ZNF804B: variants seen among roughly 807,000 people sequenced by gnomAD.
ZNF804B encodes zinc finger protein 804B, also known as zinc finger 804B.
In ZNF804B, 80 loss-of-function variants were observed where a neutral mutation model predicts 101.4. The ratio of observed to expected loss-of-function variants is 0.79; its 90% CI spans 0.66 to 0.95. The LOEUF is 0.95. Ranked by LOEUF, ZNF804B falls within the 40% of genes least tolerant of loss-of-function variation. ZNF804B has a pLI of 0.00. For synonymous variants in ZNF804B, 622 were observed against 558.8 expected, an observed-to-expected ratio of 1.11 and a Z score of -1.59; for missense variants, 1,673 against 1,561.9, an observed-to-expected ratio of 1.07 and a Z score of -1.20.
intron 2 of ZNF804B, among the ~76,000 whole-genome samples, chr7:89,234,451 A>C (rs1383943694): frequency 6.6e-6 from 1 of 152,162 alleles, no homozygotes; most frequent in Non-Finnish European, 1.5e-5. Context: ...CTACTATATA[A>C]GATTTCCATG....
At chr7:88,858,769 A>G (rs1791608050) in intron 1 of ZNF804B, among the ~76,000 whole-genome samples, 1 of 152,128 alleles carries the variant, frequency 6.6e-6, no homozygotes, top group African/African-American at 2.4e-5. Context: ...AAACATAGTT[A>G]TTTTCCAGAA....
intron 2 of ZNF804B, among the ~76,000 whole-genome samples, chr7:89,250,627 G>A (rs1479735362): frequency 1.3e-5 from 2 of 151,972 alleles, no homozygotes; most frequent in Middle Eastern, 3.2e-3. Context: ...ACTTGGCAAA[G>A]ACACAGCAAG....
At chr7:89,325,316 A>G (rs1456616726) in intron 2 of ZNF804B, among the ~76,000 whole-genome samples, 5 of 151,972 alleles carry the variant, frequency 3.3e-5, no homozygotes, top group Admixed American at 2.0e-4. Context: ...TAACTTTGCA[A>G]ACTTCCTAAA....
At chr7:89,280,619 A>C (rs1790077146) in intron 2 of ZNF804B, among the ~76,000 whole-genome samples, 1 of 152,368 alleles carries the variant, frequency 6.6e-6, no homozygotes, top group Admixed American at 6.5e-5. Flanking sequence ...AGATAATTCT[A>C]CAAACACCTC....
At chr7:89,289,378 CCTT>C (rs551229743) in intron 2 of ZNF804B, among the ~76,000 whole-genome samples, 24 of 151,682 alleles carry the variant, frequency 1.6e-4, no homozygotes, top group Non-Finnish European at 3.2e-4. Flanking sequence ...CAACAAAAAA[CCTT>C]CTTAAGAATA....
At chr7:88,950,106 A>G (rs943432287) in intron 1 of ZNF804B, among the ~76,000 whole-genome samples, 1 of 151,942 alleles carries the variant, frequency 6.6e-6, no homozygotes, top group African/African-American at 2.4e-5. Flanking sequence ...TCTCTGATAG[A>G]TACCTTAGGA....
chr7:88,774,000 A>G (rs1790107530), intron 1 of ZNF804B, among the ~76,000 whole-genome samples: 1 of 151,940 alleles, frequency 6.6e-6, no homozygotes, highest in Admixed American at 6.6e-5. Context: ...TCAGTGACCA[A>G]ACTCCTTTGG....
At chr7:89,142,252 A>C (rs1584011790) in intron 1 of ZNF804B, among the ~76,000 whole-genome samples, 1 of 151,638 alleles carries the variant, frequency 6.6e-6, no homozygotes, top group East Asian at 1.9e-4. Context: ...AGGTTTCTTC[A>C]GGGTTTCTTT....
At chr7:89,237,167 A>T (rs1789297237) in intron 2 of ZNF804B, among the ~76,000 whole-genome samples, 1 of 152,204 alleles carries the variant, frequency 6.6e-6, no homozygotes, top group Non-Finnish European at 1.5e-5. Context: ...TGTAAACATG[A>T]ATAACAATAA....
At chr7:88,794,614 A>T (rs1247398218) in intron 1 of ZNF804B, 1 of 1,613,624 alleles carries the variant, frequency 6.2e-7, no homozygotes, top group Admixed American at 1.7e-5. Flanking sequence ...ATCTAAAAGA[A>T]CTTTGTAGAG....
chr7:89,041,387 G>T (rs186135732), intron 1 of ZNF804B, among the ~76,000 whole-genome samples: 1 of 152,258 alleles, frequency 6.6e-6, no homozygotes, highest in African/African-American at 2.4e-5. Context: ...TGGGCCCACA[G>T]TGGCCAGCCT....
At chr7:89,250,189 T>TAA (rs199943175) in intron 2 of ZNF804B, among the ~76,000 whole-genome samples, 4 of 149,862 alleles carry the variant, frequency 2.7e-5, no homozygotes, top group African/African-American at 9.8e-5. Flanking sequence ...TTTGTTTCAT[T>TAA]AAAAAAAAAT....
intron 1 of ZNF804B, among the ~76,000 whole-genome samples, chr7:89,058,255 T>C (rs1789326096): frequency 6.6e-6 from 1 of 152,232 alleles, no homozygotes; most frequent in Admixed American, 6.5e-5. Context: ...TTAGGTATGG[T>C]GAAAGTTAAT....
chr7:89,008,493 C>T (rs1788404035), intron 1 of ZNF804B, among the ~76,000 whole-genome samples: 1 of 152,158 alleles, frequency 6.6e-6, no homozygotes, highest in Non-Finnish European at 1.5e-5. Context: ...CTAACAAACA[C>T]ATATTATTGC....
intron 1 of ZNF804B, among the ~76,000 whole-genome samples, chr7:88,864,942 A>T (rs17575635): frequency 0.063 from 9,588 of 152,280 alleles, 431 homozygotes; most frequent in South Asian, 0.16. Flanking sequence ...AAAAATATTT[A>T]ACTTGGCCGG....
chr7:88,854,537 T>TCCCTTCCTTC (rs1554340264), intron 1 of ZNF804B, among the ~76,000 whole-genome samples: 2 of 95,142 alleles, frequency 2.1e-5, no homozygotes, highest in Non-Finnish European at 4.0e-5. Context: ...TTTCCTTCCT[T>TCCCTTCCTTC]CCTTCCTTCC....
At chr7:88,838,271 T>C (rs1303312327) in intron 1 of ZNF804B, among the ~76,000 whole-genome samples, 1 of 151,676 alleles carries the variant, frequency 6.6e-6, no homozygotes, top group Non-Finnish European at 1.5e-5. Flanking sequence ...TTATAGATAA[T>C]GGAAAAATGA....
intron 1 of ZNF804B, among the ~76,000 whole-genome samples, chr7:89,082,025 T>C (rs1006306910): frequency 5.9e-5 from 9 of 151,750 alleles, no homozygotes; most frequent in African/African-American, 1.7e-4. Flanking sequence ...GAAGTAAATG[T>C]CAGTTTATTT....
At chr7:89,029,935 G>A (rs1008456639) in intron 1 of ZNF804B, among the ~76,000 whole-genome samples, 9 of 152,070 alleles carry the variant, frequency 5.9e-5, no homozygotes, top group South Asian at 2.1e-4. Flanking sequence ...CTGTTTTGAC[G>A]TAAAAATCTG....
Sources: allele counts gnomAD v4.1 joint callset (sites outside exome capture counted in the v4.1 genomes callset), GRCh38; gene constraint gnomAD v4.1.1; transcripts MANE v1.5; gene names NCBI Gene and HGNC (gene_info 2026-07-23, HGNC 2026-07-21).